The following TNS3 variants were observed in gnomAD, a reference collection of about 807,000 sequenced individuals.
TNS3 encodes the protein tensin 3.
Under a neutral mutation model 140.9 loss-of-function variants are expected in TNS3, and 45 were observed. The observed-to-expected ratio is 0.32, with a 90% confidence interval of 0.25 to 0.41. TNS3 has a LOEUF of 0.41. Among genes scored for constraint, TNS3 ranks in the 10% least tolerant of loss-of-function variants. TNS3 has a pLI of 1.00. For missense variants in TNS3, 1,716 were observed against 1,906.7 expected (o/e 0.90, Z 1.86); for synonymous variants, 815 against 788.4 (o/e 1.03, Z -0.56).
At position 47,482,509 on chromosome 7, in the gene TNS3, A is replaced by G. The variant is rs549981029; in HGVS notation, c.-114-1368T>C. Among the ~76,000 whole-genome samples the G allele has an allele frequency of 5.8e-4, 89 of 152,370 alleles. 1 individual carries two copies. The South Asian group carries it at 0.018, about 31-fold the overall frequency. ...AAACAAAAACAGCTTTGGAAACAGAAGGAGTCACAGACAAAACCTTACAGG... is the reference window on the plus strand; with the variant it reads ...AAACAAAAACAGCTTTGGAAACAGAGGGAGTCACAGACAAAACCTTACAGG... On this transcript the variant is annotated intron_variant, in intron 3 of 30. Coordinates refer to ENST00000311160, the MANE Select transcript of TNS3 (RefSeq NM_022748.12).
Position 47,283,829 on chromosome 7 carries a change from T to G in TNS3, c.3965A>C (p.Glu1322Ala). The stretch of plus-strand genomic sequence containing the variant: ...GATCGCCTGGTGGCCGGTGAGGGAC[T>G]CCATCTCCACAGAGTTCAAGTACCA... ...NVWYLNSVEM[E>A]SLTGHQAIQK... Residue 1322 changes from glutamate (E) to alanine (A), a missense_variant, in exon 28 of 31, where the codon GAG becomes GCG. By Grantham distance (107) the Glu-to-Ala change is moderately radical (BLOSUM62 -1). This residue lies in a region of TNS3 where 216 missense variants were observed against 295.7 expected (regional missense o/e 0.73). Transcript: ENST00000311160. 1 of 1,609,614 alleles carries G rather than the reference T, an allele frequency of 6.2e-7. No individual in the cohort carries two copies. The highest frequency in any genetic ancestry group is 8.5e-7 in the Non-Finnish European group (1 of 1,178,088).
chr7:47,362,792 C>T (rs1337494784), intron 17 of TNS3, among the ~76,000 whole-genome samples: 2 of 44,232 alleles, frequency 4.5e-5, no homozygotes, highest in Non-Finnish European at 1.1e-4. Context: ...AGCATCATCA[C>T]CACCATCAGC....
intron 2 of TNS3, among the ~76,000 whole-genome samples, chr7:47,528,005 G>C (rs1017875587): frequency 2.0e-5 from 3 of 152,042 alleles, no homozygotes; most frequent in Non-Finnish European, 4.4e-5. Context: ...AGATCTAGAT[G>C]AATTACACAG....
In TNS3 at chr7:47,439,420, T is replaced by C. The variant is rs2151562056; in HGVS notation, c.150+67A>G. The C allele has an allele frequency of 5.8e-6, 9 of 1,538,938 alleles. No homozygotes were observed. In the South Asian group the frequency reaches 8.4e-5, roughly 14 times the overall value. The stretch of plus-strand genomic sequence containing the variant: ...CATGTGTAAACCAGTGTTCTGTGAG[T>C]GCCCATCCCTACACAGTGCCTGCTG... On this transcript the variant is annotated intron_variant, in intron 6 of 30. Coordinates refer to ENST00000311160, the MANE Select transcript of TNS3 (RefSeq NM_022748.12).
At chr7:47,408,205 C>T (rs1330600456) in intron 13 of TNS3, among the ~76,000 whole-genome samples, 1 of 152,136 alleles carries the variant, frequency 6.6e-6, no homozygotes, top group Non-Finnish European at 1.5e-5. Context: ...AAGGAGGCCA[C>T]CGCCTCCTTC....
chr7:47,570,402 T>C (rs1800525611), intron 1 of TNS3, among the ~76,000 whole-genome samples: 1 of 152,234 alleles, frequency 6.6e-6, no homozygotes, highest in Non-Finnish European at 1.5e-5. Flanking sequence ...GGGACATTTG[T>C]CATCAACTTT....
chr7:47,443,899 C>T (rs575238978), intron 4 of TNS3, among the ~76,000 whole-genome samples: 30 of 152,146 alleles, frequency 2.0e-4, no homozygotes, highest in African/African-American at 7.0e-4. Flanking sequence ...CCAGCCTGGG[C>T]AACAGAGCAA....
chr7:47,306,558 T>C (rs1485056117), intron 20 of TNS3, among the ~76,000 whole-genome samples: 1 of 152,018 alleles, frequency 6.6e-6, no homozygotes, highest in Non-Finnish European at 1.5e-5. Context: ...CGAATTCTTT[T>C]CCTAAGGAAA....
intron 20 of TNS3, among the ~76,000 whole-genome samples, chr7:47,322,783 A>AC (rs1352813504): frequency 2.0e-5 from 3 of 152,106 alleles, no homozygotes; most frequent in African/African-American, 4.8e-5. Context: ...CAGAAGCCCT[A>AC]CCCGGGGCAT....
chr7:47,523,283 T>C (rs1799057272), intron 2 of TNS3, among the ~76,000 whole-genome samples: 1 of 152,186 alleles, frequency 6.6e-6, no homozygotes, highest in Non-Finnish European at 1.5e-5. Context: ...CATCTCCTAA[T>C]GCCACCATCC....
chr7:47,489,105 TATC>T (rs757229465), intron 3 of TNS3, among the ~76,000 whole-genome samples: 75 of 152,324 alleles, frequency 4.9e-4, no homozygotes, highest in Non-Finnish European at 6.5e-4. Context: ...GAAGCTCTGT[TATC>T]CCACTAAGCG....
Position 47,440,775 on chromosome 7 carries a change from C to T in TNS3, c.-22-1117G>A, listed in dbSNP as rs373436730. On this transcript the variant is annotated intron_variant, in intron 5 of 30. Transcript: ENST00000311160. Reference sequence around the variant, plus strand: ...TGCCCCCATGAGGTAAAGCCAGAGGCATGGGTGCACGGGACGTGTCCTTAA... The same window carrying T: ...TGCCCCCATGAGGTAAAGCCAGAGGTATGGGTGCACGGGACGTGTCCTTAA... 3.3e-5 allele frequency among the ~76,000 whole-genome samples: 5 copies of T among 152,216 alleles called. No homozygotes were observed. The East Asian group carries it at 9.6e-4, about 29-fold the overall frequency.
chr7:47,305,097 G>T (rs560643950), intron 20 of TNS3, 94 bp from the exon 21 acceptor site: 2 of 1,064,300 alleles, frequency 1.9e-6, no homozygotes, highest in South Asian at 4.4e-5. Context: ...AAGAAACAGT[G>T]CTGACTTTGA....
At chr7:47,475,433 A>G (rs1382280709) in intron 4 of TNS3, among the ~76,000 whole-genome samples, 1 of 152,244 alleles carries the variant, frequency 6.6e-6, no homozygotes, top group Admixed American at 6.5e-5. Flanking sequence ...TGGATCAGGC[A>G]CTGCCCTGAA....
intron 10 of TNS3, among the ~76,000 whole-genome samples, chr7:47,420,048 T>C (rs1794289596): frequency 6.6e-6 from 1 of 152,192 alleles, no homozygotes; most frequent in South Asian, 2.1e-4. Context: ...TATCTGGGCA[T>C]TGAATAATGA....
intron 6 of TNS3, 46 bp from the exon 7 acceptor site, chr7:47,437,359 AT>A (rs1795235011): frequency 1.1e-6 from 1 of 920,266 alleles, no homozygotes; most frequent in Non-Finnish European, 1.5e-6. Flanking sequence ...AGATTTTAAT[AT>A]TTTAAAAATT....
intron 20 of TNS3, among the ~76,000 whole-genome samples, chr7:47,332,311 T>A (rs993676840): frequency 6.6e-6 from 1 of 152,246 alleles, no homozygotes; most frequent in Admixed American, 6.5e-5. Flanking sequence ...GGATACCAGG[T>A]AAATGCTTCC....
At chr7:47,389,446 T>G (rs2151286439) in intron 16 of TNS3, among the ~76,000 whole-genome samples, 1 of 152,276 alleles carries the variant, frequency 6.6e-6, no homozygotes, top group East Asian at 1.9e-4. Context: ...ACTTAACTAT[T>G]AAGGCCACTC....
At chr7:47,330,580 G>A (rs1015455662) in intron 20 of TNS3, among the ~76,000 whole-genome samples, 3 of 152,070 alleles carry the variant, frequency 2.0e-5, no homozygotes, top group Admixed American at 6.6e-5. Flanking sequence ...AGGTGAGAGC[G>A]AGGCAGCAGA....
Sources: gnomAD v4.1 joint callset for allele counts (sites outside exome capture counted in the v4.1 genomes callset) on GRCh38, gnomAD v4.1.1 for gene constraint, gnomAD v4.1.1 regional missense constraint, MANE v1.5 for transcripts, NCBI Gene and HGNC (gene_info 2026-07-23, HGNC 2026-07-21) for gene names.